The following FSHR variants were observed in gnomAD, a reference collection of about 807,000 sequenced individuals.
The protein encoded by FSHR is follicle-stimulating hormone receptor.
Under a neutral mutation model 52.1 loss-of-function variants are expected in FSHR, and 46 were observed. The observed-to-expected ratio is 0.88, with a 90% CI of 0.70 to 1.13. The LOEUF is 1.13. Ranked by LOEUF, FSHR falls within the 50% of genes most tolerant of loss-of-function variation. The pLI, the probability that FSHR is intolerant of heterozygous loss-of-function variation, is 0.00. For missense variants in FSHR, 964 were observed against 834.6 expected (o/e 1.16, Z -1.91); for synonymous variants, 399 against 309.6 (o/e 1.29, Z -3.03).
At chr2:49,114,540 T>C (rs561680193) in intron 1 of FSHR, among the ~76,000 whole-genome samples, 3 of 152,172 alleles carry the variant, frequency 2.0e-5, no homozygotes, top group Non-Finnish European at 2.9e-5. Flanking sequence ...CCATATAACC[T>C]TGAGTAAGTG....
At chr2:49,051,574 T>C (rs1186438097) in intron 2 of FSHR, among the ~76,000 whole-genome samples, 12 of 152,142 alleles carry the variant, frequency 7.9e-5, no homozygotes, top group Non-Finnish European at 1.6e-4. Context: ...GAAAGATATG[T>C]TCTTGATACA....
At chr2:48,982,572 C>G (rs1430229150) in intron 8 of FSHR, among the ~76,000 whole-genome samples, 3 of 152,130 alleles carry the variant, frequency 2.0e-5, no homozygotes, top group African/African-American at 7.2e-5. Context: ...ATTAACCTCT[C>G]CAGGGAAGCC....
At chr2:49,046,330 G>T (rs1391973729) in intron 2 of FSHR, among the ~76,000 whole-genome samples, 1 of 151,944 alleles carries the variant, frequency 6.6e-6, no homozygotes, top group Non-Finnish European at 1.5e-5. Flanking sequence ...ATATTATCTG[G>T]GCTACACTTT....
chr2:49,143,592 C>A (rs1465997426), intron 1 of FSHR, among the ~76,000 whole-genome samples: 1 of 151,872 alleles, frequency 6.6e-6, no homozygotes, highest in Non-Finnish European at 1.5e-5. Context: ...TCCTGAAACT[C>A]CACTGAGAAG....
At chr2:48,982,786 G>T in intron 8 of FSHR, 126 bp downstream of exon 8, 1 of 823,274 alleles carries the variant, frequency 1.2e-6, no homozygotes, top group South Asian at 1.4e-5. Flanking sequence ...TTTTGCAGAT[G>T]ACACGAATAA....
intron 2 of FSHR, among the ~76,000 whole-genome samples, chr2:49,027,302 G>C (rs1667940714): frequency 2.0e-5 from 3 of 152,154 alleles, no homozygotes; most frequent in Admixed American, 2.0e-4. Context: ...TTTGATGTTG[G>C]TCATAGGTCA....
At chr2:49,054,632 C>T (rs1668988039) in intron 2 of FSHR, among the ~76,000 whole-genome samples, 5 of 152,170 alleles carry the variant, frequency 3.3e-5, no homozygotes, top group Admixed American at 3.3e-4. Context: ...GTGAGCCAGA[C>T]CCTGAGTTGG....
chr2:48,966,856 A>C (rs954095313), intron 9 of FSHR, among the ~76,000 whole-genome samples: 3 of 152,134 alleles, frequency 2.0e-5, no homozygotes, highest in Admixed American at 6.5e-5. Context: ...GCTATACCCC[A>C]ACAGGCCTGG....
intron 1 of FSHR, among the ~76,000 whole-genome samples, chr2:49,074,489 G>A (rs1669874026): frequency 6.6e-6 from 1 of 152,112 alleles, no homozygotes. Context: ...AGTTAGGATG[G>A]CTATCCTCAA....
chr2:49,012,886 T>C (rs1406062693), intron 4 of FSHR, among the ~76,000 whole-genome samples: 1 of 152,170 alleles, frequency 6.6e-6, no homozygotes, highest in African/African-American at 2.4e-5. Flanking sequence ...TGGACTGAAC[T>C]GTGTCCTCTC....
intron 8 of FSHR, among the ~76,000 whole-genome samples, chr2:48,977,302 G>C (rs997024109): frequency 2.0e-5 from 3 of 152,124 alleles, no homozygotes; most frequent in Non-Finnish European, 4.4e-5. Context: ...ACCATGGGAC[G>C]GGATTAGATC....
At chr2:49,075,552 C>T (rs1384205161) in intron 1 of FSHR, among the ~76,000 whole-genome samples, 1 of 152,014 alleles carries the variant, frequency 6.6e-6, no homozygotes, top group East Asian at 1.9e-4. Flanking sequence ...AGCACCCAAA[C>T]AATTAGAGGC....
Position 49,068,248 on chromosome 2 carries a change from T to G in FSHR, c.195A>C (p.Ala65=), listed in dbSNP as rs150146783. The G allele has an allele frequency of 2.5e-6, 4 of 1,610,994 alleles. No individual in the cohort carries two copies. The African/African-American group carries it at 5.4e-5, about 22-fold the overall frequency. Residue 65 remains alanine (A), a synonymous_variant, in exon 2 of 10, where the codon GCA becomes GCC. Coordinates refer to ENST00000406846, the MANE Select transcript of FSHR (RefSeq NM_000145.4). ...TCTCCAGGTCCCCAAATCCTGAAAATGCACCTTTTTGGATGACTCGAAGCT... is the reference window on the plus strand; with the variant it reads ...TCTCCAGGTCCCCAAATCCTGAAAAGGCACCTTTTTGGATGACTCGAAGCT... The part of the protein sequence containing the change: ...LTKLRVIQKG[A]FSGFGDLEKI...
At chr2:48,991,636 G>A (rs1675784856) in intron 4 of FSHR, among the ~76,000 whole-genome samples, 1 of 152,226 alleles carries the variant, frequency 6.6e-6, no homozygotes, top group South Asian at 2.1e-4. Flanking sequence ...GCTAGGCCAG[G>A]TGTTGTCCAG....
At chr2:49,073,531 TAATAAAAGA>T (rs1423371537) in intron 1 of FSHR, among the ~76,000 whole-genome samples, 1 of 151,950 alleles carries the variant, frequency 6.6e-6, no homozygotes. Flanking sequence ...TACAGAACAC[TAATAAAAGA>T]AATTAAAGAA....
chr2:49,130,689 T>A lies in FSHR; in HGVS notation c.152+23577A>T, dbSNP rs149585624. ...AGTGGAGAGAAAATAAGATACTTTA[T>A]CCCTCAGGGGCTTAAGGGTCTCCTC... On this transcript the variant is annotated intron_variant, in intron 1 of 9. Coordinates refer to ENST00000406846, the MANE Select transcript of FSHR (RefSeq NM_000145.4). Among the ~76,000 whole-genome samples, 843 of 152,302 alleles carry A rather than the reference T, an allele frequency of 5.5e-3. 6 individuals are homozygous for A. The highest frequency in any genetic ancestry group is 0.019 in the African/African-American group (774 of 41,574).
intron 4 of FSHR, among the ~76,000 whole-genome samples, chr2:48,998,002 T>A (rs1011200881): frequency 6.6e-6 from 1 of 152,124 alleles, no homozygotes; most frequent in African/African-American, 2.4e-5. Context: ...TTTACCTTTT[T>A]ACCTGTCTGA....
intron 1 of FSHR, among the ~76,000 whole-genome samples, chr2:49,146,246 T>C (rs12473794): frequency 0.014 from 2,156 of 152,152 alleles, 75 homozygotes; most frequent in East Asian, 0.12. Flanking sequence ...TGTAATCCTA[T>C]CTTATGAACC....
chr2:49,083,650 C>A (rs1165810080), intron 1 of FSHR, among the ~76,000 whole-genome samples: 3 of 150,052 alleles, frequency 2.0e-5, no homozygotes, highest in Non-Finnish European at 1.5e-5. Context: ...ATGGAGGAAG[C>A]TCTACCAAGC....
Sources: gnomAD v4.1 joint callset for allele counts (sites outside exome capture counted in the v4.1 genomes callset) on GRCh38, gnomAD v4.1.1 for gene constraint, MANE v1.5 for transcripts, NCBI Gene and HGNC (gene_info 2026-07-23, HGNC 2026-07-21) for gene names.